Variants in ELAVL4 observed in about 807,000 individuals in gnomAD.
ELAVL4 encodes the protein ELAV-like protein 4.
A neutral mutation model predicts 35.6 loss-of-function variants in ELAVL4; 1 was observed. That is an observed-to-expected ratio of 0.03 (90% CI 0.01 to 0.13). The LOEUF is 0.13. ELAVL4 is among the 10% of genes least tolerant of loss of function. The pLI is 1.00. For missense variants in ELAVL4, 267 were observed against 464.9 expected, an observed-to-expected ratio of 0.57 and a Z score of 3.91; for synonymous variants, 156 against 171.0, an observed-to-expected ratio of 0.91 and a Z score of 0.69.
intron 1 of ELAVL4, among the ~76,000 whole-genome samples, chr1:50,135,022 A>T (rs896938561): frequency 1.3e-5 from 2 of 152,118 alleles, no homozygotes; most frequent in African/African-American, 4.8e-5. Context: ...TGCCTATGAG[A>T]AATTAAATTT....
chr1:50,099,763 A>G (rs1205700920), upstream of ELAVL4, among the ~76,000 whole-genome samples: 1 of 152,148 alleles, frequency 6.6e-6, no homozygotes, highest in African/African-American at 2.4e-5. Flanking sequence ...TCTGAAGATC[A>G]GTCACTCTCT....
At chr1:50,075,019 T>C (rs1664697877) in intron 1 of ELAVL4, among the ~76,000 whole-genome samples, 1 of 152,162 alleles carries the variant, frequency 6.6e-6, no homozygotes, top group South Asian at 2.1e-4. Flanking sequence ...TGAATTAGAT[T>C]CTAAGAGAAT....
chr1:50,157,041 C>G (rs963772463), intron 2 of ELAVL4, among the ~76,000 whole-genome samples: 2 of 152,218 alleles, frequency 1.3e-5, no homozygotes, highest in Non-Finnish European at 2.9e-5. Flanking sequence ...ATTTAATACT[C>G]TGATAAACCC....
chr1:50,125,541 A>T (rs558974220), intron 1 of ELAVL4, among the ~76,000 whole-genome samples: 1 of 152,144 alleles, frequency 6.6e-6, no homozygotes, highest in African/African-American at 2.4e-5. Flanking sequence ...ATGATTGGAC[A>T]ATTGGACTGA....
intron 1 of ELAVL4, chr1:50,144,500 AT>A: frequency 2.2e-6 from 1 of 459,462 alleles, no homozygotes; most frequent in Non-Finnish European, 4.3e-6. Flanking sequence ...ATTTAATGTC[AT>A]TTTATTTTAT....
At chr1:50,120,644 A>C (rs1179010401) in intron 1 of ELAVL4, among the ~76,000 whole-genome samples, 2 of 152,030 alleles carry the variant, frequency 1.3e-5, no homozygotes. Context: ...TAAATTAGAC[A>C]TTGGTTAGGG....
intron 1 of ELAVL4, among the ~76,000 whole-genome samples, chr1:50,068,208 G>T (rs1664355515): frequency 6.6e-6 from 1 of 152,172 alleles, no homozygotes; most frequent in Non-Finnish European, 1.5e-5. Context: ...GATATGTAGA[G>T]ATAGGGGTGG....
chr1:50,134,923 G>A (rs1671628916), intron 1 of ELAVL4, among the ~76,000 whole-genome samples: 1 of 152,130 alleles, frequency 6.6e-6, no homozygotes. Context: ...AAAATGTAAA[G>A]GAGGCCAGTA....
intron 2 of ELAVL4, among the ~76,000 whole-genome samples, chr1:50,173,859 A>C (rs1316182009): frequency 6.6e-6 from 1 of 152,216 alleles, no homozygotes; most frequent in East Asian, 1.9e-4. Flanking sequence ...AAAGAGTAAT[A>C]AAAAGATATT....
chr1:50,115,006 A>G (rs1667703292), intron 1 of ELAVL4: 1 of 151,986 alleles, frequency 6.6e-6, no homozygotes, highest in Non-Finnish European at 1.5e-5. Flanking sequence ...AGGGCTCTTA[A>G]TAGGCTGGTG....
chr1:50,059,599 T>C (rs1447189114), intron 1 of ELAVL4, among the ~76,000 whole-genome samples: 1 of 152,104 alleles, frequency 6.6e-6, no homozygotes, highest in African/African-American at 2.4e-5. Flanking sequence ...TGTTTTGCTT[T>C]CAGTCCTTGG....
chr1:50,117,714 C>T lies in ELAVL4; in HGVS notation c.9+8516C>T, dbSNP rs1297573697. ...GGGTGTTAAGTCTCTTTCAGTCTGT[C>T]AGTCTTTCTGTCCCTTGGCAAAAGC... is the stretch of plus-strand genomic sequence containing the variant. On this transcript the variant is annotated intron_variant, in intron 1 of 6. Transcript: ENST00000371824. Among the ~76,000 whole-genome samples, 3 of 152,136 alleles carry T rather than the reference C, an allele frequency of 2.0e-5. No individual in the cohort carries two copies. The East Asian group carries it at 5.8e-4, about 29-fold the overall frequency.
chr1:50,128,764 T>C lies in ELAVL4; in HGVS notation c.10-16193T>C, dbSNP rs187986620. Among the ~76,000 whole-genome samples the C allele has an allele frequency of 5.9e-5, 9 of 152,172 alleles. No homozygotes were observed. The East Asian group carries it at 9.7e-4, about 16-fold the overall frequency. On this transcript the variant is annotated intron_variant, in intron 1 of 6. Transcript: ENST00000371824. ...AACACAGTGTGTTCTGGTTTGTCATTGCTGGCTGCAGAAGCCTACAGAAGG... is the reference window on the plus strand; with the variant it reads ...AACACAGTGTGTTCTGGTTTGTCATCGCTGGCTGCAGAAGCCTACAGAAGG...
At chr1:50,069,867 C>T (rs1281630887) in intron 1 of ELAVL4, among the ~76,000 whole-genome samples, 1 of 152,182 alleles carries the variant, frequency 6.6e-6, no homozygotes, top group African/African-American at 2.4e-5. Context: ...TACCAACTCA[C>T]AAGGGTTCAG....
chr1:50,128,195 A>G (rs1670269767), intron 1 of ELAVL4, among the ~76,000 whole-genome samples: 1 of 152,166 alleles, frequency 6.6e-6, no homozygotes, highest in Non-Finnish European at 1.5e-5. Flanking sequence ...GGCTGTAAAC[A>G]TGGCCTTACT....
At chr1:50,132,170 T>A (rs921760752) in intron 1 of ELAVL4, among the ~76,000 whole-genome samples, 1 of 152,132 alleles carries the variant, frequency 6.6e-6, no homozygotes, top group Non-Finnish European at 1.5e-5. Context: ...AGAAGGATGT[T>A]CAAATGCAAG....
At position 50,201,904 on chromosome 1, in the gene ELAVL4, G is replaced by GA. The variant is rs996596752; in HGVS notation, c.*731dup. 1.2e-4 allele frequency: 18 copies of GA among 152,000 alleles called. No homozygotes were observed. The highest frequency in any genetic ancestry group is 3.9e-4 in the African/African-American group (16 of 41,454). The allele number at this position is 152,000 out of a possible 1,614,324, so 9.4% of individuals were successfully genotyped here. ...TCTCTTTGCTGAAAATGGGTTTCAA[G>GA]AAAAATCTATTTTTATAAAATATAA... On this transcript the variant is annotated 3_prime_UTR_variant, in exon 7 of 7. Transcript: ENST00000371824. This position sits in a 1 kb window ranked among gnomAD's most constrained non-coding sequence, Gnocchi z 4.3.
chr1:50,180,599 G>A (rs1372417462), intron 3 of ELAVL4: 1 of 152,222 alleles, frequency 6.6e-6, no homozygotes, highest in African/African-American at 2.4e-5. Flanking sequence ...CCAAAGCAGA[G>A]AAAGAGCATG....
chr1:50,190,265 G>A (rs4397691), intron 3 of ELAVL4, among the ~76,000 whole-genome samples: 3 of 152,178 alleles, frequency 2.0e-5, no homozygotes, highest in Admixed American at 6.5e-5. Context: ...ACTGGCCCAG[G>A]GGCATTAATA....
Sources: allele counts gnomAD v4.1 joint callset (sites outside exome capture counted in the v4.1 genomes callset), GRCh38; gene constraint gnomAD v4.1.1; non-coding constraint Gnocchi (gnomAD v3.1); transcripts MANE v1.5; gene names NCBI Gene and HGNC (gene_info 2026-07-23, HGNC 2026-07-21).